Variants in SSB observed in about 807,000 individuals in gnomAD.
The protein encoded by SSB is small RNA binding exonuclease protection factor La.
A neutral mutation model predicts 52.9 loss-of-function variants in SSB; 17 were observed. The ratio of observed to expected loss-of-function variants is 0.32; its 90% CI spans 0.22 to 0.48. The LOEUF (loss-of-function observed/expected upper bound fraction) is 0.48. Among genes scored for constraint, SSB ranks in the 20% least tolerant of loss-of-function variants. SSB has a pLI of 0.99. For missense variants in SSB, 314 were observed against 463.6 expected, an observed-to-expected ratio of 0.68 and a Z score of 2.96; for synonymous variants, 111 against 152.1, an observed-to-expected ratio of 0.73 and a Z score of 1.99.
At chr2:169,803,689 C>T (rs1322237727) in intron 2 of SSB, among the ~76,000 whole-genome samples, 2 of 151,854 alleles carry the variant, frequency 1.3e-5, no homozygotes, top group African/African-American at 4.8e-5. Flanking sequence ...TGCACCACTG[C>T]ATTCCAGTCT....
intron 8 of SSB, 35 bp from the exon 9 acceptor site, chr2:169,810,248 A>C (rs1388662734): frequency 6.4e-7 from 1 of 1,550,668 alleles, no homozygotes; most frequent in Non-Finnish European, 8.7e-7. Flanking sequence ...TGTTGCTTTT[A>C]AGAAACTTTT....
chr2:169,802,931 A>G (rs1425531788), intron 2 of SSB, among the ~76,000 whole-genome samples: 1 of 152,108 alleles, frequency 6.6e-6, no homozygotes, highest in Non-Finnish European at 1.5e-5. Context: ...GATGTTTCTA[A>G]TTTTTTTAGC....
At chr2:169,805,921 A>G in intron 4 of SSB, 82 bp downstream of exon 4, 2 of 1,269,110 alleles carry the variant, frequency 1.6e-6, no homozygotes, top group Non-Finnish European at 2.2e-6. Flanking sequence ...CAGGAATCAC[A>G]GCCTCACTAA....
At chr2:169,805,186 C>T in intron 2 of SSB, among the ~76,000 whole-genome samples, 1 of 151,988 alleles carries the variant, frequency 6.6e-6, no homozygotes, top group Admixed American at 6.6e-5. Flanking sequence ...TTTATTTAAC[C>T]ATCTGTTCTT....
In SSB at chr2:169,806,780, C is replaced by G. The variant is rs767303413; in HGVS notation, c.346-5C>G. On this transcript the variant is annotated splice_polypyrimidine_tract_variant and splice_region_variant and intron_variant, in intron 4 of 11. Transcript: ENST00000260956. Reference sequence around the variant, plus strand: ...TATTTGTACATTTCTTCCCACTCTTCACAGAAAGGCTTCCCAACTGATGCA... The same window carrying G: ...TATTTGTACATTTCTTCCCACTCTTGACAGAAAGGCTTCCCAACTGATGCA... 6.3e-7 allele frequency: 1 copy of G among 1,599,126 alleles called. No homozygotes were observed. Among genetic ancestry groups the G allele is most frequent in the Non-Finnish European group, 8.5e-7 (1 of 1,174,056 alleles).
Position 169,805,649 on chromosome 2 carries a change from TA to T in SSB, c.171-15del, listed in dbSNP as rs1689813486. 1 of 1,613,376 alleles carries T rather than the reference TA, an allele frequency of 6.2e-7. No homozygotes were observed. The highest frequency in any genetic ancestry group is 8.5e-7 in the Non-Finnish European group (1 of 1,179,772). ...GTGCTACTGCTGAGTCTTATGTTTT[TA>T]TATGTACTCTTCAGGTTGAACCGTC... On this transcript the variant is annotated splice_polypyrimidine_tract_variant and intron_variant, in intron 3 of 11. Transcript: ENST00000260956.
intron 6 of SSB, 95 bp from the exon 7 acceptor site, chr2:169,808,387 C>T (rs966603556): frequency 7.6e-6 from 7 of 918,348 alleles, no homozygotes; most frequent in Non-Finnish European, 1.2e-5. Context: ...GCGTGTGCAA[C>T]ATTCATTGCT....
At chr2:169,804,612 C>CT (rs767142042) in intron 2 of SSB, among the ~76,000 whole-genome samples, 2 of 151,808 alleles carry the variant, frequency 1.3e-5, no homozygotes, top group African/African-American at 2.4e-5. Flanking sequence ...GTGGCACAAT[C>CT]TTGGCTCACT....
chr2:169,810,227 T>C, intron 8 of SSB, 56 bp from the exon 9 acceptor site: 1 of 1,419,756 alleles, frequency 7.0e-7, no homozygotes. Context: ...TGTGAGTCAT[T>C]TCTGGTCTGT....
rs10188178 is a variant in SSB at position 169,810,149 on chromosome 2, C to T, written c.670-134C>T. ...AGATGGAGTTTCGCTCTTGCTGCCC[C>T]GGCGGAAGAAACTACTTTAAAATAG... On this transcript the variant is annotated intron_variant, in intron 8 of 11. Coordinates refer to ENST00000260956, the MANE Select transcript of SSB (RefSeq NM_003142.5). The T allele has an allele frequency of 1.6e-3, 746 of 460,964 alleles. 3 individuals are homozygous for T. The highest frequency in any genetic ancestry group is 0.014 in the African/African-American group (674 of 49,316). 28.6% of individuals were successfully genotyped at this position (460,964 alleles called of 1,614,324 possible). A position where few individuals can be genotyped will look rare whatever the true frequency, so the allele number is the denominator to read the frequency against.
rs372066287 is a variant in SSB at position 169,806,818 on chromosome 2, A to C, written c.379A>C (p.Ile127Leu). ...CCCAACTGATGCAACTCTTGATGAC[A>C]TAAAAGAATGGTTAGAAGATAAAGG... ...GFPTDATLDD[I>L]KEWLEDKGQV... Residue 127 changes from isoleucine to leucine, a missense_variant, in exon 5 of 12, where the codon ATA (isoleucine) becomes CTA (leucine). Transcript: ENST00000260956. 88 of 1,613,098 alleles carry C rather than the reference A, an allele frequency of 5.5e-5. No homozygotes were observed. Among genetic ancestry groups the C allele is most frequent in the Non-Finnish European group, 7.3e-5 (86 of 1,179,754 alleles).
intron 8 of SSB, 45 bp from the exon 9 acceptor site, chr2:169,810,238 T>C: frequency 6.6e-7 from 1 of 1,505,314 alleles, no homozygotes; most frequent in Non-Finnish European, 9.0e-7. Context: ...TCTGGTCTGT[T>C]GTTGCTTTTA....
In SSB at chr2:169,805,645, T is replaced by A; in HGVS notation, c.171-20T>A. ...ATGAGTGCTACTGCTGAGTCTTATGTTTTTATATGTACTCTTCAGGTTGAA... is the reference window on the plus strand; with the variant it reads ...ATGAGTGCTACTGCTGAGTCTTATGATTTTATATGTACTCTTCAGGTTGAA... On this transcript the variant is annotated intron_variant, in intron 3 of 11. Coordinates refer to ENST00000260956, the MANE Select transcript of SSB (RefSeq NM_003142.5). 6.2e-7 allele frequency: 1 copy of A among 1,612,852 alleles called. No individual in the cohort carries two copies.
rs750270859 is a variant in SSB at position 169,806,904 on chromosome 2, CAG to C, written c.453+14_453+15del. 2.5e-6 allele frequency: 4 copies of C among 1,608,074 alleles called. No individual in the cohort carries two copies. Among genetic ancestry groups the C allele is most frequent in the Admixed American group, 3.4e-5 (2 of 59,114 alleles). On this transcript the variant is annotated intron_variant, in intron 5 of 11. Coordinates refer to ENST00000260956, the MANE Select transcript of SSB (RefSeq NM_003142.5). ...ATAAAGCATTTAAGGTATGATAATA[CAG>C]ACTTTTTCTAGTTTTAAAATATATG...
chr2:169,800,302 G>A (rs1383985490), intron 1 of SSB, among the ~76,000 whole-genome samples: 2 of 152,062 alleles, frequency 1.3e-5, no homozygotes, highest in East Asian at 3.9e-4. Context: ...AGGCCGAGGC[G>A]GGTGGATCGC....
rs1169862846 is a variant in SSB at position 169,808,903 on chromosome 2, G to GT, written c.669+2dup. On this transcript the variant is annotated splice_donor_variant, in intron 8 of 11. Coordinates refer to ENST00000260956, the MANE Select transcript of SSB (RefSeq NM_003142.5). LOFTEE classifies it high-confidence loss of function. The stretch of plus-strand genomic sequence containing the variant: ...AAAGTTAGAAGAAGATGCTGAAATG[G>GT]TAAGTATATATTACTGCTATCTAGT... The GT allele has an allele frequency of 1.9e-6, 3 of 1,598,094 alleles. No individual in the cohort carries two copies. Among genetic ancestry groups the GT allele is most frequent in the Non-Finnish European group, 8.6e-7 (1 of 1,165,982 alleles).
chr2:169,811,299 G>C lies in SSB; in HGVS notation c.1114G>C (p.Glu372Gln), dbSNP rs575866793. 142 of 1,597,504 alleles carry C rather than the reference G, an allele frequency of 8.9e-5. No homozygotes were observed. Among genetic ancestry groups the C allele is most frequent in the South Asian group, 8.7e-4 (76 of 86,954 alleles). Residue 372 changes from glutamate (E) to glutamine (Q), a missense_variant, in exon 11 of 12, where the codon GAA (glutamate) becomes CAA (glutamine). Glu to Gln is a conservative substitution (Grantham distance 29, BLOSUM62 2). Transcript: ENST00000260956. The stretch of plus-strand genomic sequence containing the variant: ...ATTTGCTAGTGATGATGAACATGAT[G>C]AACATGATGAAAATGGTGCAACTGG... The part of the protein sequence containing the change: ...TKFASDDEHD[E>Q]HDENGATGPV...
Position 169,806,892 on chromosome 2 carries a change from G to A in SSB, c.453G>A (p.Lys151=). ...GAAGAACATTGCATAAAGCATTTAAGGTATGATAATACAGACTTTTTCTAG... is the reference window on the plus strand; with the variant it reads ...GAAGAACATTGCATAAAGCATTTAAAGTATGATAATACAGACTTTTTCTAG... ...QMRRTLHKAF[K]GSIFVVFDSI... Residue 151 remains lysine (K), a splice_region_variant and synonymous_variant, in exon 5 of 12, where the codon AAG becomes AAA. Coordinates refer to ENST00000260956, the MANE Select transcript of SSB (RefSeq NM_003142.5). 1 of 1,611,030 alleles carries A rather than the reference G, an allele frequency of 6.2e-7. No individual in the cohort carries two copies. The highest frequency in any genetic ancestry group is 1.3e-5 in the African/African-American group (1 of 74,878).
Position 169,805,810 on chromosome 2 carries a change from A to G in SSB, c.316A>G (p.Asn106Asp). The change falls in exon 4 of 12, where the codon AAT (asparagine) becomes GAT (aspartate). Residue 106 changes from asparagine (N) to aspartate (D), a missense_variant. Asn to Asp is a conservative substitution (Grantham distance 23). Transcript: ENST00000260956. ...PLPEVTDEYK[N>D]DVKNRSVYIK... ...ACCTGAAGTGACTGATGAGTATAAA[A>G]ATGATGTAAAAAACAGATCTGTTTA... 1 of 1,613,764 alleles carries G rather than the reference A, an allele frequency of 6.2e-7. No individual in the cohort carries two copies. The highest frequency in any genetic ancestry group is 8.5e-7 in the Non-Finnish European group (1 of 1,179,934).
Sources: allele counts gnomAD v4.1 joint callset (sites outside exome capture counted in the v4.1 genomes callset), GRCh38; gene constraint gnomAD v4.1.1; transcripts MANE v1.5; gene names NCBI Gene and HGNC (gene_info 2026-07-23, HGNC 2026-07-21).